FAM161A: variants seen among roughly 807,000 people sequenced by gnomAD.
FAM161A encodes the protein FAM161 centrosomal protein A, also known as protein FAM161A.
In FAM161A, 57 loss-of-function variants were observed where a neutral mutation model predicts 70.9. The ratio of observed to expected loss-of-function variants is 0.80; its 90% CI spans 0.65 to 1.00. The LOEUF (loss-of-function observed/expected upper bound fraction) is 1.00, where lower values mean the gene tolerates loss of function less well. FAM161A is among the 50% of genes least tolerant of loss of function. The pLI is 0.00. For missense variants in FAM161A, 880 were observed against 836.0 expected, an observed-to-expected ratio of 1.05 and a Z score of -0.65; for synonymous variants, 299 against 295.7, an observed-to-expected ratio of 1.01 and a Z score of -0.12.
chr2:61,839,288 T>C, intron 3 of FAM161A, 133 bp downstream of exon 3: 1 of 623,616 alleles, frequency 1.6e-6, no homozygotes, highest in South Asian at 2.0e-5. Flanking sequence ...TATCATATAT[T>C]ATATAGTAAA....
intron 5 of FAM161A, among the ~76,000 whole-genome samples, chr2:61,833,270 A>G (rs1672648885): frequency 6.6e-6 from 1 of 151,938 alleles, no homozygotes; most frequent in Non-Finnish European, 1.5e-5. Context: ...TAAAAAATAC[A>G]AAAAAATTAG....
chr2:61,819,297 CAA>C, the FAM161A span, among the ~76,000 whole-genome samples: 1 of 152,070 alleles, frequency 6.6e-6, no homozygotes, highest in Admixed American at 6.6e-5. Flanking sequence ...CCTGTCTCTG[CAA>C]AAAGTACAAA....
At chr2:61,846,312 G>A (rs1673214007) in intron 1 of FAM161A, among the ~76,000 whole-genome samples, 1 of 152,092 alleles carries the variant, frequency 6.6e-6, no homozygotes, top group South Asian at 2.1e-4. Flanking sequence ...TAGAAAGGGA[G>A]GTTAGGGCAA....
downstream of FAM161A, among the ~76,000 whole-genome samples, chr2:61,823,362 CATATATATATATAT>C (rs59631970): frequency 8.3e-6 from 1 of 119,990 alleles, no homozygotes; most frequent in Non-Finnish European, 1.8e-5. Context: ...AATTTTCCAT[CATATATATATATAT>C]ATATATATAT....
chr2:61,834,549 G>A (rs532216278), intron 5 of FAM161A, among the ~76,000 whole-genome samples: 8 of 150,392 alleles, frequency 5.3e-5, no homozygotes, highest in Admixed American at 3.3e-4. Context: ...TACAACCTCC[G>A]CCTCCCAAGT....
intron 2 of FAM161A, 112 bp downstream of exon 2, chr2:61,842,010 T>C (rs767968063): frequency 5.2e-6 from 4 of 764,178 alleles, no homozygotes; most frequent in Non-Finnish European, 9.3e-6. Context: ...TGTATATCGT[T>C]GGGAGTACAA....
At chr2:61,822,346 C>CA (rs1672220580), downstream of FAM161A, among the ~76,000 whole-genome samples, 1 of 151,606 alleles carries the variant, frequency 6.6e-6, no homozygotes, top group Non-Finnish European at 1.5e-5. Context: ...GTTAGTAAAC[C>CA]ACAGCCACAT....
intron 5 of FAM161A, among the ~76,000 whole-genome samples, chr2:61,834,755 C>T (rs1281577386): frequency 2.0e-5 from 3 of 152,052 alleles, no homozygotes; most frequent in Non-Finnish European, 4.4e-5. Context: ...GTGTGAGCCA[C>T]GGCGCCTGGC....
chr2:61,822,117 A>T (rs1298533571), downstream of FAM161A, among the ~76,000 whole-genome samples: 1 of 151,906 alleles, frequency 6.6e-6, no homozygotes, highest in Non-Finnish European at 1.5e-5. Flanking sequence ...CTTAAAAACA[A>T]ACAAAGTTGC....
chr2:61,804,325 C>G, the FAM161A span, among the ~76,000 whole-genome samples: 1 of 152,136 alleles, frequency 6.6e-6, no homozygotes, highest in East Asian at 1.9e-4. Flanking sequence ...CATCCTGTGA[C>G]TTAGAGAATG....
chr2:61,840,712 GTGATAT>G, intron 2 of FAM161A, 131 bp from the exon 3 acceptor site: 1 of 699,906 alleles, frequency 1.4e-6, no homozygotes, highest in Non-Finnish European at 2.4e-6. Context: ...GTGCAGTGGT[GTGATAT>G]CGGCTCACTG....
intron 1 of FAM161A, among the ~76,000 whole-genome samples, chr2:61,849,299 G>T (rs1188839852): frequency 6.7e-6 from 1 of 148,984 alleles, no homozygotes; most frequent in Non-Finnish European, 1.5e-5. Context: ...TTCTGGGGGA[G>T]AGTTGTTAAA....
downstream of FAM161A, among the ~76,000 whole-genome samples, chr2:61,823,296 G>A (rs1672246688): frequency 6.8e-6 from 1 of 146,892 alleles, no homozygotes; most frequent in African/African-American, 2.5e-5. Flanking sequence ...TCGCACCACT[G>A]CACTCCAGAC....
downstream of FAM161A, among the ~76,000 whole-genome samples, chr2:61,823,362 CATATAT>C (rs59631970): frequency 0.19 from 23,218 of 119,802 alleles, 3,252 homozygotes; most frequent in African/African-American, 0.25. Flanking sequence ...AATTTTCCAT[CATATAT>C]ATATATATAT....
In FAM161A at chr2:61,825,889, G is replaced by A. The variant is rs977045783; in HGVS notation, c.*566C>T. 1.1e-5 allele frequency: 5 copies of A among 453,846 alleles called. No homozygotes were observed. Among genetic ancestry groups the A allele is most frequent in the East Asian group, 1.4e-4 (2 of 14,492 alleles). The allele number at this position is 453,846 out of a possible 1,614,324, so 28.1% of individuals were successfully genotyped here. ...CCTGACCTCGTGATCCACCCGTCTC[G>A]GCCTCCCAAAATGCTGGGATTACAG... On this transcript the variant is annotated 3_prime_UTR_variant, in exon 7 of 7. Coordinates refer to ENST00000404929, the MANE Select transcript of FAM161A (RefSeq NM_001201543.2).
Position 61,826,473 on chromosome 2 carries a change from A to T in FAM161A, c.2133T>A (p.Ser711=). The part of the protein sequence containing the change: ...EANEESEEEK[S]VEESH ...TGATGATTCAGTGTGATTCTTCAAC[A>T]GATTTCTCTTCTTCACTTTCCTCAT... Residue 711 remains serine (S), a synonymous_variant, in exon 7 of 7, where the codon TCT becomes TCA. Coordinates refer to ENST00000404929, the MANE Select transcript of FAM161A (RefSeq NM_001201543.2). The T allele has an allele frequency of 1.2e-6, 2 of 1,611,174 alleles. No individual in the cohort carries two copies. The highest frequency in any genetic ancestry group is 1.7e-6 in the Non-Finnish European group (2 of 1,178,260).
chr2:61,821,256 T>C (rs1359874428), downstream of FAM161A, among the ~76,000 whole-genome samples: 1 of 152,176 alleles, frequency 6.6e-6, no homozygotes, highest in Non-Finnish European at 1.5e-5. Context: ...TTTCACCATA[T>C]TGGCCAGGCT....
At chr2:61,804,760 A>AAG in the FAM161A span, among the ~76,000 whole-genome samples, 9 of 57,762 alleles carry the variant, frequency 1.6e-4, no homozygotes, top group Non-Finnish European at 6.9e-5. Context: ...GAAAGAAAGA[A>AAG]AAAGAAAGAG....
At chr2:61,813,985 G>A in the FAM161A span, among the ~76,000 whole-genome samples, 292 of 152,258 alleles carry the variant, frequency 1.9e-3, 3 homozygotes, top group African/African-American at 6.7e-3. Flanking sequence ...CAGTGTGTAT[G>A]AGGTGCCAGG....
Sources: gnomAD v4.1 joint callset for allele counts (sites outside exome capture counted in the v4.1 genomes callset) on GRCh38, gnomAD v4.1.1 for gene constraint, MANE v1.5 for transcripts, NCBI Gene and HGNC (gene_info 2026-07-23, HGNC 2026-07-21) for gene names.